MCPH1: variants seen among roughly 807,000 people sequenced by gnomAD.
MCPH1 encodes microcephalin 1, also known as microcephalin.
In MCPH1, 104 loss-of-function variants were observed where a neutral mutation model predicts 84.5. The observed-to-expected ratio is 1.23, with a 90% confidence interval of 1.05 to 1.45. The LOEUF (loss-of-function observed/expected upper bound fraction) is 1.45, where lower values mean the gene tolerates loss of function less well. MCPH1 is among the 40% of genes most tolerant of loss of function. The pLI is 0.00. For missense variants in MCPH1, 1,498 were observed against 1,005.7 expected (o/e 1.49, Z -6.62); for synonymous variants, 514 against 366.8 (o/e 1.40, Z -4.58).
chr8:6,624,460 C>T, intron 13 of MCPH1, among the ~76,000 whole-genome samples: 1 of 152,170 alleles, frequency 6.6e-6, no homozygotes, highest in East Asian at 1.9e-4. Context: ...GTGTAGTAGA[C>T]CTCTCCAGTG....
At chr8:6,506,607 C>G (rs1323502706) in intron 12 of MCPH1, among the ~76,000 whole-genome samples, 1 of 152,036 alleles carries the variant, frequency 6.6e-6, no homozygotes, top group Non-Finnish European at 1.5e-5. Context: ...TCCACCTGAC[C>G]CTTTCCCTGC....
chr8:6,454,054 T>C (rs1362192765), intron 8 of MCPH1, among the ~76,000 whole-genome samples: 2 of 152,198 alleles, frequency 1.3e-5, no homozygotes, highest in East Asian at 3.8e-4. Flanking sequence ...TGACAGTTTT[T>C]ACCTTAGACT....
intron 12 of MCPH1, among the ~76,000 whole-genome samples, chr8:6,507,373 C>T (rs1813958882): frequency 6.6e-6 from 1 of 152,120 alleles, no homozygotes; most frequent in South Asian, 2.1e-4. Context: ...TAAACCCTGC[C>T]AATTTTCCTG....
intron 3 of MCPH1, among the ~76,000 whole-genome samples, chr8:6,427,615 A>G (rs920307665): frequency 3.9e-5 from 6 of 151,910 alleles, no homozygotes; most frequent in African/African-American, 1.5e-4. Flanking sequence ...CCTGACCTCA[A>G]ACAGTCCTCC....
chr8:6,535,559 G>A (rs1820329774), intron 12 of MCPH1, among the ~76,000 whole-genome samples: 1 of 152,142 alleles, frequency 6.6e-6, no homozygotes, highest in Non-Finnish European at 1.5e-5. Flanking sequence ...TACACATGAT[G>A]TGTGTATATA....
chr8:6,632,883 A>G (rs1010424694), intron 13 of MCPH1, among the ~76,000 whole-genome samples: 7 of 152,124 alleles, frequency 4.6e-5, no homozygotes, highest in African/African-American at 1.7e-4. Context: ...TTTTTAAAAC[A>G]CACACACACA....
chr8:6,605,415 G>T lies in MCPH1; in HGVS notation c.2215-16039G>T, dbSNP rs1164367700. On this transcript the variant is annotated intron_variant, in intron 12 of 13. Transcript: ENST00000344683. ...TTTCATTCCAATGCATTCCCCAAAAGCAGAAAAGTGTTATGCGATGGGAGT... is the reference window on the plus strand; with the variant it reads ...TTTCATTCCAATGCATTCCCCAAAATCAGAAAAGTGTTATGCGATGGGAGT... Among the ~76,000 whole-genome samples the T allele has an allele frequency of 2.0e-5, 3 of 152,116 alleles. No homozygotes were observed. The East Asian group carries it at 5.8e-4, about 29-fold the overall frequency.
chr8:6,534,630 A>G (rs1026003101), intron 12 of MCPH1, among the ~76,000 whole-genome samples: 1 of 152,222 alleles, frequency 6.6e-6, no homozygotes, highest in Non-Finnish European at 1.5e-5. Flanking sequence ...AAATTAAAGT[A>G]TTAAAAAATT....
At chr8:6,527,804 C>T (rs1360655073) in intron 12 of MCPH1, 25 of 876,244 alleles carry the variant, frequency 2.9e-5, no homozygotes, top group Non-Finnish European at 1.7e-5. Flanking sequence ...ACCCAAGTAT[C>T]TTATTTTGGC....
intron 10 of MCPH1, among the ~76,000 whole-genome samples, chr8:6,479,934 T>TC (rs1389077738): frequency 6.6e-6 from 1 of 152,118 alleles, no homozygotes; most frequent in African/African-American, 2.4e-5. Context: ...GGGTCTTTTT[T>TC]CCCCTCTTAG....
At chr8:6,424,745 A>T (rs1215004902) in intron 3 of MCPH1, among the ~76,000 whole-genome samples, 7 of 152,234 alleles carry the variant, frequency 4.6e-5, no homozygotes, top group African/African-American at 1.7e-4. Flanking sequence ...CTCCTGAGTT[A>T]ACTTCCTACG....
At chr8:6,476,353 C>T (rs752450159) in intron 9 of MCPH1, among the ~76,000 whole-genome samples, 2 of 148,344 alleles carry the variant, frequency 1.3e-5, no homozygotes, top group Non-Finnish European at 1.5e-5. Context: ...TGCTTGAACC[C>T]GGGAGATGGA....
chr8:6,484,686 G>T (rs1809644011), intron 11 of MCPH1, among the ~76,000 whole-genome samples: 1 of 152,248 alleles, frequency 6.6e-6, no homozygotes, highest in African/African-American at 2.4e-5. Flanking sequence ...TGTCACTCAG[G>T]AGTCGAAAGG....
Position 6,546,837 on chromosome 8 carries a change from G to A in MCPH1, c.2214+46908G>A, listed in dbSNP as rs114583056. On this transcript the variant is annotated intron_variant, in intron 12 of 13. Coordinates refer to ENST00000344683, the MANE Select transcript of MCPH1 (RefSeq NM_024596.5). ...ATCTCTATGATTTGATATGTTTATC[G>A]GAAAGCGAGTAAGTCAAAAAGAACT... Among the ~76,000 whole-genome samples the A allele has an allele frequency of 5.0e-3, 765 of 152,208 alleles. 7 individuals carry two copies. Among genetic ancestry groups the A allele is most frequent in the African/African-American group, 0.017 (721 of 41,518 alleles).
intron 12 of MCPH1, among the ~76,000 whole-genome samples, chr8:6,545,612 C>T (rs1450107138): frequency 1.3e-5 from 2 of 152,148 alleles, no homozygotes; most frequent in Admixed American, 1.3e-4. Context: ...TTCCAAAACA[C>T]GATTCTTTCC....
chr8:6,621,727 C>A (rs762573825), intron 13 of MCPH1, 36 bp downstream of exon 13: 1 of 1,613,456 alleles, frequency 6.2e-7, no homozygotes, highest in Non-Finnish European at 8.5e-7. Flanking sequence ...GTGGTGTGGT[C>A]CAGATCTGTG....
rs945629024 is a variant in MCPH1, at chr8:6,456,100, G to T, written c.1935+848G>T. Among the ~76,000 whole-genome samples the T allele has an allele frequency of 2.0e-5, 3 of 152,128 alleles. No homozygotes were observed. The East Asian group carries it at 5.8e-4, about 29-fold the overall frequency. The stretch of plus-strand genomic sequence containing the variant: ...TTAAAATTACACAGATTTCATGAAA[G>T]TTGGCAGTAACTTGTAGAAACTTAG... On this transcript the variant is annotated intron_variant, in intron 9 of 13. Coordinates refer to ENST00000344683, the MANE Select transcript of MCPH1 (RefSeq NM_024596.5).
chr8:6,634,610 C>A (rs1797407902), intron 13 of MCPH1, among the ~76,000 whole-genome samples: 2 of 152,174 alleles, frequency 1.3e-5, no homozygotes, highest in African/African-American at 4.8e-5. Context: ...CATTATTATG[C>A]TAACAAAAAG....
intron 12 of MCPH1, among the ~76,000 whole-genome samples, chr8:6,522,686 A>C (rs1312637162): frequency 6.6e-6 from 1 of 151,454 alleles, no homozygotes; most frequent in African/African-American, 2.4e-5. Flanking sequence ...AGGCAGGAGA[A>C]CTGCTTGAAC....
Sources: allele counts gnomAD v4.1 joint callset (sites outside exome capture counted in the v4.1 genomes callset), GRCh38; gene constraint gnomAD v4.1.1; transcripts MANE v1.5; gene names NCBI Gene and HGNC (gene_info 2026-07-23, HGNC 2026-07-21).